The following OGDH variants were observed in gnomAD, a reference collection of about 807,000 sequenced individuals.
OGDH encodes the protein 2-oxoglutarate dehydrogenase complex component E1.
A neutral mutation model predicts 116.6 loss-of-function variants in OGDH; 38 were observed. The observed-to-expected ratio is 0.33, with a 90% confidence interval of 0.25 to 0.43. OGDH has a LOEUF of 0.43. Ranked by LOEUF, OGDH falls within the 20% of genes least tolerant of loss-of-function variation. The pLI is 1.00. For missense variants in OGDH, 825 were observed against 1,357.2 expected (o/e 0.61, Z 6.16); for synonymous variants, 488 against 533.3 (o/e 0.92, Z 1.17).
intron 2 of OGDH, among the ~76,000 whole-genome samples, chr7:44,640,847 C>T (rs898839917): frequency 4.0e-5 from 6 of 151,202 alleles, no homozygotes; most frequent in Non-Finnish European, 7.4e-5. Context: ...CATTCTAGCA[C>T]TGGAGCAAGT....
chr7:44,645,645 C>A, intron 3 of OGDH, 127 bp downstream of exon 3: 1 of 863,548 alleles, frequency 1.2e-6, no homozygotes, highest in Non-Finnish European at 1.7e-6. Flanking sequence ...ATACTAGGTG[C>A]TTTCTCCCTG....
chr7:44,625,739 C>CA (rs1352891188), intron 2 of OGDH, among the ~76,000 whole-genome samples: 1 of 152,186 alleles, frequency 6.6e-6, no homozygotes, highest in Non-Finnish European at 1.5e-5. Context: ...GGCTTATCAC[C>CA]AAAAGGAAGT....
chr7:44,702,774 T>G (rs1350252921), intron 20 of OGDH, among the ~76,000 whole-genome samples: 1 of 152,004 alleles, frequency 6.6e-6, no homozygotes, highest in African/African-American at 2.4e-5. Flanking sequence ...GTTTTTGTAT[T>G]TTTAGTAGAG....
intron 18 of OGDH, among the ~76,000 whole-genome samples, chr7:44,698,966 A>T (rs1321151526): frequency 6.6e-6 from 1 of 151,972 alleles, no homozygotes; most frequent in Non-Finnish European, 1.5e-5. Flanking sequence ...CAATATGGTG[A>T]AACCCTGTCT....
At chr7:44,693,278 G>A (rs950324963) in intron 10 of OGDH, among the ~76,000 whole-genome samples, 10 of 151,420 alleles carry the variant, frequency 6.6e-5, no homozygotes, top group Admixed American at 2.0e-4. Flanking sequence ...ATTGCACTCT[G>A]CTTGGGCAAC....
chr7:44,652,234 A>G (rs1245120059), intron 4 of OGDH, among the ~76,000 whole-genome samples: 1 of 151,344 alleles, frequency 6.6e-6, no homozygotes, highest in East Asian at 2.0e-4. Context: ...TCAGCCTCCC[A>G]AGTAGCTGGG....
chr7:44,669,145 C>CTTTTTTTTTTTTTTTTTTTTTTT (rs869250474), intron 5 of OGDH, among the ~76,000 whole-genome samples: 9 of 77,806 alleles, frequency 1.2e-4, no homozygotes, highest in African/African-American at 3.7e-4. Context: ...AGCCCGGCAG[C>CTTTTTTTTTTTTTTTTTTTTTTT]TTTTTTTTTT....
Position 44,674,407 on chromosome 7 carries a change from C to T in OGDH, c.789-4C>T. ...CCTTCAAGGTGGCTTGGTTCCCTGT[C>T]CAGGTTTGAGGAGTTCCTACAGCGG... On this transcript the variant is annotated splice_polypyrimidine_tract_variant and splice_region_variant and intron_variant, in intron 6 of 22. Coordinates refer to ENST00000222673, the MANE Select transcript of OGDH (RefSeq NM_002541.4). 2 of 1,614,010 alleles carry T rather than the reference C, an allele frequency of 1.2e-6. No individual in the cohort carries two copies. The highest frequency in any genetic ancestry group is 2.7e-5 in the African/African-American group (2 of 75,020).
At chr7:44,617,194 A>G (rs1291192951) in intron 1 of OGDH, among the ~76,000 whole-genome samples, 1 of 151,650 alleles carries the variant, frequency 6.6e-6, no homozygotes, top group Non-Finnish European at 1.5e-5. Flanking sequence ...CGACCTCCCA[A>G]AGTGCTGGGA....
chr7:44,677,826 A>T (rs1422690602), intron 9 of OGDH, among the ~76,000 whole-genome samples: 1 of 151,442 alleles, frequency 6.6e-6, no homozygotes, highest in African/African-American at 2.4e-5. Flanking sequence ...GTGAGCTGAG[A>T]TCACGCCACT....
At chr7:44,663,417 G>A (rs906176621) in intron 4 of OGDH, among the ~76,000 whole-genome samples, 7 of 152,314 alleles carry the variant, frequency 4.6e-5, no homozygotes, top group African/African-American at 1.7e-4. Context: ...CAGATTGCTT[G>A]AGCTCAGGAG....
chr7:44,636,615 A>G (rs909808505), intron 2 of OGDH, among the ~76,000 whole-genome samples: 2 of 152,234 alleles, frequency 1.3e-5, no homozygotes, highest in African/African-American at 4.8e-5. Flanking sequence ...TGCAGAGAGC[A>G]CTGAGGATAC....
intron 2 of OGDH, among the ~76,000 whole-genome samples, chr7:44,625,905 C>T (rs1448805835): frequency 6.6e-6 from 1 of 151,976 alleles, no homozygotes; most frequent in Non-Finnish European, 1.5e-5. Context: ...CCCAGGAATT[C>T]GAGGTTACAG....
intron 20 of OGDH, among the ~76,000 whole-genome samples, chr7:44,702,875 C>T (rs1444202574): frequency 6.6e-6 from 1 of 152,200 alleles, no homozygotes. Context: ...GGATTACAGG[C>T]ATGAGCCACC....
intron 2 of OGDH, among the ~76,000 whole-genome samples, chr7:44,625,073 A>C (rs972090085): frequency 6.6e-6 from 1 of 151,878 alleles, no homozygotes; most frequent in Non-Finnish European, 1.5e-5. Flanking sequence ...ACTTTTCACC[A>C]CATGATTACT....
At chr7:44,678,747 C>T (rs1406050478) in intron 9 of OGDH, among the ~76,000 whole-genome samples, 1 of 152,228 alleles carries the variant, frequency 6.6e-6, no homozygotes, top group Non-Finnish European at 1.5e-5. Context: ...GCTCAGCCAT[C>T]TGCCTGTTCT....
At chr7:44,675,149 T>G (rs775647085) in intron 7 of OGDH, 29 bp from the exon 8 acceptor site, 4 of 1,594,028 alleles carry the variant, frequency 2.5e-6, no homozygotes, top group Non-Finnish European at 3.4e-6. Context: ...CCTCAGGCTC[T>G]GCTCACCCTA....
At chr7:44,639,485 C>T (rs1785831757) in intron 2 of OGDH, among the ~76,000 whole-genome samples, 1 of 152,128 alleles carries the variant, frequency 6.6e-6, no homozygotes, top group Non-Finnish European at 1.5e-5. Context: ...CAAATAATGA[C>T]CTTCATTTTC....
intron 2 of OGDH, among the ~76,000 whole-genome samples, chr7:44,643,884 A>G (rs1185983139): frequency 1.3e-5 from 2 of 152,250 alleles, no homozygotes; most frequent in Non-Finnish European, 2.9e-5. Context: ...TATTGCAGAA[A>G]AGAAAAACAA....
Sources: gnomAD v4.1 joint callset for allele counts (sites outside exome capture counted in the v4.1 genomes callset) on GRCh38, gnomAD v4.1.1 for gene constraint, MANE v1.5 for transcripts, NCBI Gene and HGNC (gene_info 2026-07-23, HGNC 2026-07-21) for gene names.